Variants in HMCN1 observed in about 807,000 individuals in gnomAD.
The protein encoded by HMCN1 is hemicentin 1.
A neutral mutation model predicts 625.9 loss-of-function variants in HMCN1; 321 were observed. That is an observed-to-expected ratio of 0.51 (90% confidence interval 0.47 to 0.56). The LOEUF is 0.56. Among genes scored for constraint, HMCN1 ranks in the 20% least tolerant of loss-of-function variants. The pLI is 0.00. For synonymous variants in HMCN1, 2,425 were observed against 2,417.6 expected (o/e 1.00, Z -0.09); for missense variants, 6,588 against 6,887.3 (o/e 0.96, Z 1.54).
chr1:185,846,074 A>T lies in HMCN1; in HGVS notation c.317A>T (p.Glu106Val), dbSNP rs762018712. The change falls in exon 2 of 107, where the codon GAA becomes GTA. Residue 106 changes from glutamate (E) to valine (V), a missense_variant. Physicochemically the swap from Glu to Val is moderately radical, Grantham distance 121. Around this residue, in one of 3 missense-constraint regions of HMCN1, gnomAD observed 4,628 missense variants for 4,853.1 expected, o/e 0.95. Transcript: ENST00000271588. ...ITTDPKKFQY[E>V]LRELYVQGGG... ...ACAGATCCCAAGAAATTTCAATATG[A>T]ACTCAGAGAACTGTATGTTCAGGTG... 1 of 1,611,682 alleles carries T rather than the reference A, an allele frequency of 6.2e-7. No homozygotes were observed. The highest frequency in any genetic ancestry group is 8.5e-7 in the Non-Finnish European group (1 of 1,177,948).
chr1:185,751,157 C>T (rs1291357343), intron 1 of HMCN1, among the ~76,000 whole-genome samples: 3 of 152,084 alleles, frequency 2.0e-5, no homozygotes, highest in Non-Finnish European at 4.4e-5. Context: ...TCTTATTCCC[C>T]CACCAACCCT....
rs943733610 is a variant in HMCN1 at position 186,087,648 on chromosome 1, G to T, written c.9363+3G>T. ...TGCTACACATTAAGAAAGCTGAGGT[G>T]CATCTTTTATTCTTGTTTGAGTGTC... On this transcript the variant is annotated splice_donor_region_variant and intron_variant, in intron 60 of 106. Transcript: ENST00000271588. 6.2e-7 allele frequency: 1 copy of T among 1,612,274 alleles called. No homozygotes were observed. Among genetic ancestry groups the T allele is most frequent in the South Asian group, 1.1e-5 (1 of 91,016 alleles).
intron 89 of HMCN1, among the ~76,000 whole-genome samples, chr1:186,141,555 C>A (rs72707454): frequency 0.016 from 2,488 of 152,248 alleles, 26 homozygotes; most frequent in Middle Eastern, 0.037. Flanking sequence ...AATTGAGAAT[C>A]ATTGTCATTA....
At chr1:186,007,337 G>T in intron 30 of HMCN1, 55 bp downstream of exon 30, 1 of 1,534,588 alleles carries the variant, frequency 6.5e-7, no homozygotes, top group South Asian at 1.1e-5. Context: ...AAGTTGACAA[G>T]CAGGGTTTAC....
intron 100 of HMCN1, among the ~76,000 whole-genome samples, chr1:186,168,006 T>C (rs185639018): frequency 6.6e-6 from 1 of 152,000 alleles, no homozygotes; most frequent in Admixed American, 6.6e-5. Context: ...GCATGGTACA[T>C]CTACACCCAT....
intron 4 of HMCN1, among the ~76,000 whole-genome samples, chr1:185,889,207 G>C (rs1234826255): frequency 1.4e-5 from 2 of 145,430 alleles, no homozygotes; most frequent in East Asian, 3.9e-4. Context: ...AGGAGATTTT[G>C]GGCTGAGACG....
In HMCN1 at chr1:186,017,047, C is replaced by A. The variant is rs1371788064; in HGVS notation, c.5276C>A (p.Thr1759Lys). 1 of 1,602,024 alleles carries A rather than the reference C, an allele frequency of 6.2e-7. No individual in the cohort carries two copies. Among genetic ancestry groups the A allele is most frequent in the Middle Eastern group, 1.7e-4 (1 of 6,032 alleles). The change falls in exon 33 of 107, where the codon ACA becomes AAA. Residue 1759 changes from threonine (T) to lysine (K), a missense_variant. Thr to Lys is a moderately conservative substitution (Grantham distance 78). This residue lies in a region of HMCN1 where 4,628 missense variants were observed against 4,853.1 expected (regional missense o/e 0.95). Transcript: ENST00000271588. ...NNLLELDCHV[T>K]GSPPPTIMWL... ...TTACTGGAGCTAGATTGTCATGTGA[C>A]AGGCTCTCCCCCACCAACTATCATG...
At chr1:185,774,925 CTTAA>C (rs1656493793) in intron 1 of HMCN1, among the ~76,000 whole-genome samples, 1 of 152,112 alleles carries the variant, frequency 6.6e-6, no homozygotes, top group South Asian at 2.1e-4. Flanking sequence ...TGGGCAAACA[CTTAA>C]TTAAAATGAG....
At chr1:185,988,799 A>C (rs1450286992) in intron 20 of HMCN1, among the ~76,000 whole-genome samples, 1 of 152,224 alleles carries the variant, frequency 6.6e-6, no homozygotes, top group East Asian at 1.9e-4. Context: ...TGATACTCTA[A>C]ACTGCAAAAT....
intron 97 of HMCN1, among the ~76,000 whole-genome samples, chr1:186,156,478 C>G (rs1208305757): frequency 6.6e-6 from 1 of 152,166 alleles, no homozygotes; most frequent in Non-Finnish European, 1.5e-5. Flanking sequence ...GAGTTATTTT[C>G]TGACTATAAC....
intron 1 of HMCN1, among the ~76,000 whole-genome samples, chr1:185,757,618 C>T (rs151077504): frequency 1.3e-5 from 2 of 151,984 alleles, no homozygotes; most frequent in East Asian, 1.9e-4. Flanking sequence ...ACTCAAAGAC[C>T]AATTATTATT....
intron 30 of HMCN1, 142 bp downstream of exon 30, chr1:186,007,424 T>G: frequency 1.3e-6 from 1 of 751,004 alleles, no homozygotes; most frequent in Non-Finnish European, 2.2e-6. Context: ...CTTATCTTCA[T>G]GTGTTTTAAA....
chr1:185,867,358 T>G (rs890107022), intron 4 of HMCN1, among the ~76,000 whole-genome samples: 3 of 152,134 alleles, frequency 2.0e-5, no homozygotes, highest in Non-Finnish European at 1.5e-5. Context: ...TGGGGAACAG[T>G]GCAGGAGTCT....
intron 1 of HMCN1, among the ~76,000 whole-genome samples, chr1:185,765,146 T>C (rs912135407): frequency 6.6e-6 from 1 of 152,118 alleles, no homozygotes; most frequent in East Asian, 1.9e-4. Flanking sequence ...TTGGGAAAGA[T>C]GGACATAATT....
At chr1:185,800,122 A>G (rs1553242144) in intron 1 of HMCN1, among the ~76,000 whole-genome samples, 1 of 152,218 alleles carries the variant, frequency 6.6e-6, no homozygotes, top group Non-Finnish European at 1.5e-5. Context: ...TCCACAGCCT[A>G]CAAGGTGATA....
intron 6 of HMCN1, 139 bp from the exon 7 acceptor site, chr1:185,922,240 T>G: frequency 1.1e-6 from 1 of 919,758 alleles, no homozygotes; most frequent in South Asian, 1.3e-5. Flanking sequence ...CTAGTTATGT[T>G]GAGAACATCA....
intron 1 of HMCN1, among the ~76,000 whole-genome samples, chr1:185,745,536 G>T (rs1654329059): frequency 6.6e-6 from 1 of 152,104 alleles, no homozygotes; most frequent in Admixed American, 6.5e-5. Flanking sequence ...CACATAATCA[G>T]GTTCACCAGG....
intron 86 of HMCN1, among the ~76,000 whole-genome samples, chr1:186,134,248 G>A (rs1227886713): frequency 6.6e-6 from 1 of 152,094 alleles, no homozygotes; most frequent in Non-Finnish European, 1.5e-5. Flanking sequence ...GAATTTTATT[G>A]TATTAATTTA....
intron 1 of HMCN1, among the ~76,000 whole-genome samples, chr1:185,763,248 C>A (rs1227135199): frequency 6.6e-6 from 1 of 151,966 alleles, no homozygotes; most frequent in African/African-American, 2.4e-5. Context: ...ACACTGGGAC[C>A]ACCAGAGACA....
Sources: gnomAD v4.1 joint callset for allele counts (sites outside exome capture counted in the v4.1 genomes callset) on GRCh38, gnomAD v4.1.1 for gene constraint, gnomAD v4.1.1 regional missense constraint, MANE v1.5 for transcripts, NCBI Gene and HGNC (gene_info 2026-07-23, HGNC 2026-07-21) for gene names.